PCDHGB1: variants seen among roughly 807,000 people sequenced by gnomAD.
PCDHGB1 encodes the protein protocadherin gamma-B1.
In PCDHGB1, 34 loss-of-function variants were observed where a neutral mutation model predicts 56.6. That is an observed-to-expected ratio of 0.60 (90% CI 0.46 to 0.80). PCDHGB1 has a LOEUF of 0.80. Among genes scored for constraint, PCDHGB1 ranks in the 30% least tolerant of loss-of-function variants. The pLI, the probability that PCDHGB1 is intolerant of heterozygous loss-of-function variation, is 0.00. For synonymous variants in PCDHGB1, 561 were observed against 505.9 expected, an observed-to-expected ratio of 1.11 and a Z score of -1.46; for missense variants, 1,278 against 1,204.6, an observed-to-expected ratio of 1.06 and a Z score of -0.90.
intron 1 of PCDHGB1, chr5:141,409,250 A>G: frequency 6.2e-7 from 1 of 1,614,024 alleles, no homozygotes; most frequent in Non-Finnish European, 8.5e-7. Flanking sequence ...AATAATCATC[A>G]CTTCTCTCTC....
chr5:141,486,722 G>C lies in PCDHGB1; in HGVS notation c.2410-8085G>C, dbSNP rs1235454839. The C allele has an allele frequency of 6.2e-7, 1 of 1,614,200 alleles. No homozygotes were observed. Among genetic ancestry groups the C allele is most frequent in the East Asian group, 2.2e-5 (1 of 44,874 alleles). ...CTCTCTGAACCCCCAGACAGGAGCT[G>C]TTCATGCTACTCGATCCTTTGACTA... On this transcript the variant is annotated intron_variant, in intron 1 of 3. Transcript: ENST00000523390. This position sits in a 1 kb window ranked among gnomAD's most constrained non-coding sequence, Gnocchi z 5.0.
intron 1 of PCDHGB1, chr5:141,414,536 C>T (rs2095757034): frequency 6.2e-7 from 1 of 1,613,976 alleles, no homozygotes; most frequent in African/African-American, 1.3e-5. Context: ...GACAACCCAC[C>T]TACCTTCTCT....
rs1405589878 is a variant in PCDHGB1 at position 141,504,323 on chromosome 5, T to A, written c.2469-1070T>A. On this transcript the variant is annotated intron_variant, in intron 2 of 3. Transcript: ENST00000523390. ...CACTCGGAGTTTCTAAAAGTCTCAC[T>A]TAGGTCCAAGTGCTAGGCTTTGTGC... Among the ~76,000 whole-genome samples, 4 of 152,114 alleles carry A rather than the reference T, an allele frequency of 2.6e-5. No individual in the cohort carries two copies. In the East Asian group the frequency reaches 7.7e-4, roughly 29 times the overall value.
chr5:141,372,398 G>A lies in PCDHGB1; in HGVS notation c.2409+19729G>A, dbSNP rs772578154. The stretch of plus-strand genomic sequence containing the variant: ...TGCACCTAATCTTCGCAGATAGCTT[G>A]CAAGAGATACAACCTGACCTTAGCG... On this transcript the variant is annotated intron_variant, in intron 1 of 3. Transcript: ENST00000523390. 22 of 1,614,058 alleles carry A rather than the reference G, an allele frequency of 1.4e-5. No individual in the cohort carries two copies. The East Asian group carries it at 4.9e-4, about 36-fold the overall frequency.
At chr5:141,388,639 C>T (rs2091432130) in intron 1 of PCDHGB1, 1 of 1,613,944 alleles carries the variant, frequency 6.2e-7, no homozygotes, top group Non-Finnish European at 8.5e-7. Context: ...GTGAGCCTTT[C>T]AGAAAACGTG....
Position 141,490,602 on chromosome 5 carries a change from C to G in PCDHGB1, c.2410-4205C>G, listed in dbSNP as rs1249440194. On this transcript the variant is annotated intron_variant, in intron 1 of 3. Transcript: ENST00000523390. This position sits in a 1 kb window ranked among gnomAD's most constrained non-coding sequence, Gnocchi z 5.4. Reference sequence around the variant, plus strand: ...ATGTCAATGACAATGCACCCCGCTTCAACCAGCAGCTTTACACTGCTTACA... The same window carrying G: ...ATGTCAATGACAATGCACCCCGCTTGAACCAGCAGCTTTACACTGCTTACA... The G allele has an allele frequency of 6.2e-7, 1 of 1,614,084 alleles. No individual in the cohort carries two copies. Among genetic ancestry groups the G allele is most frequent in the African/African-American group, 1.3e-5 (1 of 74,930 alleles).
chr5:141,420,176 C>CA (rs1162032152), intron 1 of PCDHGB1: 5 of 1,613,874 alleles, frequency 3.1e-6, no homozygotes, highest in Non-Finnish European at 4.2e-6. Flanking sequence ...ATCTGTTGAT[C>CA]ATTGTCCAGC....
intron 1 of PCDHGB1, chr5:141,375,357 C>A: frequency 6.2e-7 from 1 of 1,613,858 alleles, no homozygotes; most frequent in Non-Finnish European, 8.5e-7. Context: ...GTGACAGCCA[C>A]GGACAAAGGA....
Position 141,355,831 on chromosome 5 carries a change from G to A in PCDHGB1, c.2409+3162G>A, listed in dbSNP as rs1289271029. On this transcript the variant is annotated intron_variant, in intron 1 of 3. Coordinates refer to ENST00000523390, the MANE Select transcript of PCDHGB1 (RefSeq NM_018922.3). ...CGAGGAAGAGGCGGTTCACCACCTC[G>A]TTCTCACGGCCTTCGATGGAGGTGA... 1 of 1,612,566 alleles carries A rather than the reference G, an allele frequency of 6.2e-7. No individual in the cohort carries two copies. The highest frequency in any genetic ancestry group is 1.3e-5 in the African/African-American group (1 of 75,008).
Position 141,486,282 on chromosome 5 carries a change from C to G in PCDHGB1, c.2410-8525C>G. On this transcript the variant is annotated intron_variant, in intron 1 of 3. Transcript: ENST00000523390. This position sits in a 1 kb window ranked among gnomAD's most constrained non-coding sequence, Gnocchi z 5.0. ...AGTGCAGAACCTGGCACTGTGGTGG[C>G]ACTTATCAGTGTGCAGGATCCAGAC... The G allele has an allele frequency of 1.2e-6, 2 of 1,614,052 alleles. No homozygotes were observed. The highest frequency in any genetic ancestry group is 1.7e-6 in the Non-Finnish European group (2 of 1,179,992).
intron 1 of PCDHGB1, among the ~76,000 whole-genome samples, chr5:141,453,517 C>A (rs1001603927): frequency 1.3e-5 from 2 of 152,062 alleles, no homozygotes; most frequent in African/African-American, 4.8e-5. Flanking sequence ...TCATTCCTCC[C>A]CTATACCTTC....
At position 141,498,794 on chromosome 5, in the gene PCDHGB1, G is replaced by A. The variant is rs184257963; in HGVS notation, c.2468+3929G>A. ...TAAAAATACAAAATATTAGCCAGGT[G>A]TGGTGGTGCACACCTGTAGTCCCAG... On this transcript the variant is annotated intron_variant, in intron 2 of 3. Transcript: ENST00000523390. Among the ~76,000 whole-genome samples the A allele has an allele frequency of 7.9e-5, 12 of 152,224 alleles. No individual in the cohort carries two copies. The East Asian group carries it at 2.3e-3, about 30-fold the overall frequency.
chr5:141,459,795 C>T (rs1394778891), intron 1 of PCDHGB1, among the ~76,000 whole-genome samples: 1 of 152,190 alleles, frequency 6.6e-6, no homozygotes, highest in Non-Finnish European at 1.5e-5. Flanking sequence ...AACTGTTTTT[C>T]CCTGTTGACT....
chr5:141,422,539 C>G, intron 1 of PCDHGB1: 1 of 1,613,994 alleles, frequency 6.2e-7, no homozygotes, highest in Non-Finnish European at 8.5e-7. Flanking sequence ...TGCAGAAACT[C>G]ATGTCTGGCT....
chr5:141,393,932 C>T (rs758815375), intron 1 of PCDHGB1: 1 of 1,613,916 alleles, frequency 6.2e-7, no homozygotes, highest in East Asian at 2.2e-5. Context: ...GTGTGCATGA[C>T]CAAGACTCTG....
intron 1 of PCDHGB1, among the ~76,000 whole-genome samples, chr5:141,435,445 C>T (rs190910353): frequency 3.9e-5 from 6 of 152,224 alleles, no homozygotes; most frequent in Middle Eastern, 3.4e-3. Flanking sequence ...TTCATTAATA[C>T]GATATCTGTA....
intron 1 of PCDHGB1, chr5:141,359,994 C>A: frequency 9.3e-7 from 1 of 1,074,148 alleles, no homozygotes. Context: ...GGGGAACTTC[C>A]TGCACAAACC....
intron 1 of PCDHGB1, among the ~76,000 whole-genome samples, chr5:141,460,418 G>C (rs905215023): frequency 3.3e-5 from 5 of 152,096 alleles, no homozygotes; most frequent in Admixed American, 6.5e-5. Flanking sequence ...TGATGTTTAT[G>C]TATGGTGTAT....
At chr5:141,387,441 T>G (rs2150335837) in intron 1 of PCDHGB1, among the ~76,000 whole-genome samples, 1 of 152,370 alleles carries the variant, frequency 6.6e-6, no homozygotes, top group South Asian at 2.1e-4. Flanking sequence ...ATGTACTTAA[T>G]CTACATGATT....
Sources: allele counts gnomAD v4.1 joint callset (sites outside exome capture counted in the v4.1 genomes callset), GRCh38; gene constraint gnomAD v4.1.1; non-coding constraint Gnocchi (gnomAD v3.1); transcripts MANE v1.5; gene names NCBI Gene and HGNC (gene_info 2026-07-23, HGNC 2026-07-21).